The following CFAP57 variants were observed in gnomAD, a reference collection of about 807,000 sequenced individuals.
The protein encoded by CFAP57 is cilia and flagella associated protein 57.
Under a neutral mutation model 146.8 loss-of-function variants are expected in CFAP57, and 116 were observed. The observed-to-expected ratio is 0.79, with a 90% confidence interval of 0.68 to 0.92. CFAP57 has a LOEUF of 0.92. CFAP57 is among the 40% of genes least tolerant of loss of function. The pLI is 0.00. For synonymous variants in CFAP57, 518 were observed against 552.8 expected, an observed-to-expected ratio of 0.94 and a Z score of 0.88; for missense variants, 1,377 against 1,527.2, an observed-to-expected ratio of 0.90 and a Z score of 1.64.
chr1:43,188,453 C>T (rs980685435), intron 6 of CFAP57, among the ~76,000 whole-genome samples: 1 of 152,102 alleles, frequency 6.6e-6, no homozygotes, highest in Non-Finnish European at 1.5e-5. Flanking sequence ...TTGTTATTAT[C>T]TTTTTTATTA....
At position 43,244,336 on chromosome 1, in the gene CFAP57, C is replaced by T. The variant is rs372491125; in HGVS notation, c.3538+977C>T. On this transcript the variant is annotated intron_variant, in intron 22 of 22. Coordinates refer to ENST00000372492, the MANE Select transcript of CFAP57 (RefSeq NM_001378189.1). ...TCAGTTGTCTCTTGTCCCATGGTCA[C>T]ATAAGCTTATGATGGGGAAAAGTGG... is the stretch of plus-strand genomic sequence containing the variant. Among the ~76,000 whole-genome samples the T allele has an allele frequency of 2.6e-5, 4 of 152,308 alleles. No homozygotes were observed. The East Asian group carries it at 5.8e-4, about 22-fold the overall frequency.
At position 43,185,815 on chromosome 1, in the gene CFAP57, G is replaced by A. The variant is rs562897080; in HGVS notation, c.969+459G>A. Among the ~76,000 whole-genome samples, 22 of 152,202 alleles carry A rather than the reference G, an allele frequency of 1.4e-4. 1 individual carries two copies. In the South Asian group the frequency reaches 4.6e-3, roughly 32 times the overall value. On this transcript the variant is annotated intron_variant, in intron 5 of 22. Transcript: ENST00000372492. ...TGCCTGTAGTCCCAGCTACTTGAGA[G>A]GCTGAGGCAGGAGAATAGCTTGAAC...
intron 2 of CFAP57, among the ~76,000 whole-genome samples, chr1:43,177,589 G>A (rs1236023009): frequency 6.6e-6 from 1 of 152,140 alleles, no homozygotes; most frequent in Non-Finnish European, 1.5e-5. Flanking sequence ...ACTTCCCTAG[G>A]GCAGTGGTCC....
intron 13 of CFAP57, among the ~76,000 whole-genome samples, chr1:43,219,975 T>A (rs918125593): frequency 6.6e-6 from 1 of 151,648 alleles, no homozygotes; most frequent in African/African-American, 2.4e-5. Flanking sequence ...AATAAATAAA[T>A]AAAAATAAAT....
In CFAP57 at chr1:43,209,678, A is replaced by G. The variant is rs539548784; in HGVS notation, c.1756-65A>G. ...CTGTTAGAGCAGAGGGCGAGAGAGTATGGCACTGGGACGTGGGGGCCACAG... is the reference window on the plus strand; with the variant it reads ...CTGTTAGAGCAGAGGGCGAGAGAGTGTGGCACTGGGACGTGGGGGCCACAG... On this transcript the variant is annotated intron_variant, in intron 10 of 22. Coordinates refer to ENST00000372492, the MANE Select transcript of CFAP57 (RefSeq NM_001378189.1). The G allele has an allele frequency of 4.0e-6, 6 of 1,484,128 alleles. No individual in the cohort carries two copies. In the East Asian group the frequency reaches 9.2e-5, roughly 23 times the overall value. The allele number at this position is 1,484,128 out of a possible 1,614,324, so 91.9% of individuals were successfully genotyped here.
intron 1 of CFAP57, 102 bp from the exon 2 acceptor site, chr1:43,172,632 AC>A (rs1296480341): frequency 1.2e-6 from 1 of 862,500 alleles, no homozygotes; most frequent in Non-Finnish European, 1.7e-6. Context: ...AAGGGGAGAG[AC>A]AAGGGGAGGA....
In CFAP57 at chr1:43,254,197, T is replaced by G; in HGVS notation, c.*6T>G. On this transcript the variant is annotated 3_prime_UTR_variant, in exon 23 of 23. Transcript: ENST00000372492. ...TAGAGGTGAAGACCAACTGACCCCC[T>G]CTGGTGAGCCATCTCCAGCCACAGC... 3.2e-6 allele frequency: 5 copies of G among 1,542,946 alleles called. No individual in the cohort carries two copies. Among genetic ancestry groups the G allele is most frequent in the Non-Finnish European group, 4.4e-6 (5 of 1,142,760 alleles).
chr1:43,202,900 G>T (rs1425437487), intron 9 of CFAP57, among the ~76,000 whole-genome samples: 4 of 152,028 alleles, frequency 2.6e-5, no homozygotes, highest in Admixed American at 1.3e-4. Context: ...TAGGCTGGGC[G>T]CAGTGGCTCA....
intron 6 of CFAP57, chr1:43,196,632 A>T (rs1370477789): frequency 6.6e-6 from 1 of 152,266 alleles, no homozygotes; most frequent in Non-Finnish European, 1.5e-5. Flanking sequence ...ACATCTCATT[A>T]AATTTCCCAA....
intron 2 of CFAP57, among the ~76,000 whole-genome samples, chr1:43,178,103 G>A (rs888098267): frequency 3.3e-5 from 5 of 152,226 alleles, no homozygotes; most frequent in South Asian, 2.1e-4. Context: ...AGCTGAAACC[G>A]GATCCCTTCC....
At chr1:43,178,474 G>A (rs1250082552) in intron 2 of CFAP57, among the ~76,000 whole-genome samples, 2 of 152,130 alleles carry the variant, frequency 1.3e-5, no homozygotes, top group Non-Finnish European at 2.9e-5. Flanking sequence ...AGTGGGCAAA[G>A]GATATGAACA....
At chr1:43,197,728 A>G (rs1453863395) in intron 7 of CFAP57, 36 bp downstream of exon 7, 2 of 1,612,054 alleles carry the variant, frequency 1.2e-6, no homozygotes, top group Admixed American at 1.7e-5. Flanking sequence ...TTATTATGCA[A>G]GACCCCAGTT....
chr1:43,172,457 G>C lies in CFAP57; in HGVS notation c.-20+4G>C, dbSNP rs928911298. On this transcript the variant is annotated splice_donor_region_variant and intron_variant, in intron 1 of 22. Coordinates refer to ENST00000372492, the MANE Select transcript of CFAP57 (RefSeq NM_001378189.1). ...CTGACCCAGAGAGAAACGAAAGGTG[G>C]GAGGGGGTACCTGGGGGTCGCCAGA... 5.8e-6 allele frequency: 9 copies of C among 1,546,054 alleles called. No homozygotes were observed. The highest frequency in any genetic ancestry group is 7.9e-6 in the Non-Finnish European group (9 of 1,143,646).
chr1:43,236,645 C>G (rs3862225), intron 21 of CFAP57, among the ~76,000 whole-genome samples: 79,401 of 142,906 alleles, frequency 0.56, 22,158 homozygotes, highest in African/African-American at 0.65. Context: ...CGCAGTGGCT[C>G]ACGCCTGTAA....
intron 6 of CFAP57, among the ~76,000 whole-genome samples, chr1:43,188,308 A>ATTGCT (rs1384684230): frequency 2.0e-5 from 3 of 152,184 alleles, no homozygotes; most frequent in Non-Finnish European, 4.4e-5. Flanking sequence ...TAGAAGTGGA[A>ATTGCT]TTGCTGAGTC....
At chr1:43,179,814 C>G (rs538806291) in intron 2 of CFAP57, among the ~76,000 whole-genome samples, 1 of 152,158 alleles carries the variant, frequency 6.6e-6, no homozygotes, top group East Asian at 1.9e-4. Flanking sequence ...CTTTCTTCTC[C>G]CTCTCTTTGG....
chr1:43,221,243 T>C, intron 13 of CFAP57, 129 bp from the exon 14 acceptor site: 1 of 580,858 alleles, frequency 1.7e-6, no homozygotes, highest in Non-Finnish European at 3.0e-6. Context: ...CATAGAACAG[T>C]GCTTGGTGCA....
Position 43,224,017 on chromosome 1 carries a change from G to T in CFAP57, c.2707-29G>T, listed in dbSNP as rs1478662859. The T allele has an allele frequency of 1.9e-6, 3 of 1,549,744 alleles. No homozygotes were observed. The East Asian group carries it at 7.3e-5, about 38-fold the overall frequency. On this transcript the variant is annotated intron_variant, in intron 16 of 22. Transcript: ENST00000372492. ...ATGGAGATGAGTTCTGACTTTAGTG[G>T]TCTTTGTTGTTGCTGTTCGCTTTTC... is the stretch of plus-strand genomic sequence containing the variant.
intron 6 of CFAP57, among the ~76,000 whole-genome samples, chr1:43,190,549 C>T (rs892777203): frequency 3.9e-5 from 6 of 152,194 alleles, no homozygotes; most frequent in East Asian, 1.9e-4. Context: ...GGATTACAGG[C>T]GTGAGTCACC....
Sources: allele counts gnomAD v4.1 joint callset (sites outside exome capture counted in the v4.1 genomes callset), GRCh38; gene constraint gnomAD v4.1.1; transcripts MANE v1.5; gene names NCBI Gene and HGNC (gene_info 2026-07-23, HGNC 2026-07-21).